KDM2A: variants seen among roughly 807,000 people sequenced by gnomAD.
KDM2A encodes the protein lysine demethylase 2A, also known as lysine-specific demethylase 2A.
Under a neutral mutation model 137.3 loss-of-function variants are expected in KDM2A, and 3 were observed. The ratio of observed to expected loss-of-function variants is 0.02; its 90% CI spans 0.01 to 0.06. The LOEUF (loss-of-function observed/expected upper bound fraction) is 0.06, where lower values mean the gene tolerates loss of function less well. Ranked by LOEUF, KDM2A falls within the 10% of genes least tolerant of loss-of-function variation. KDM2A has a pLI of 1.00. For synonymous variants in KDM2A, 512 were observed against 541.5 expected (o/e 0.95, Z 0.76); for missense variants, 738 against 1,510.6 (o/e 0.49, Z 8.48).
In KDM2A at chr11:67,245,955, C is replaced by T. The variant is rs752563773; in HGVS notation, c.1834-30C>T. 5.0e-6 allele frequency: 8 copies of T among 1,612,392 alleles called. No homozygotes were observed. Among genetic ancestry groups the T allele is most frequent in the Non-Finnish European group, 6.8e-6 (8 of 1,178,806 alleles). On this transcript the variant is annotated intron_variant, in intron 14 of 20. Transcript: ENST00000529006. This position sits in a 1 kb window ranked among gnomAD's most constrained non-coding sequence, Gnocchi z 4.1. ...GAAATGATAAAGATCTGAGTCAGTT[C>T]TCTTGGATTCTATCTTTGTCCTCTT... is the stretch of plus-strand genomic sequence containing the variant.
intron 1 of KDM2A, 63 bp from the exon 2 acceptor site, chr11:67,121,171 C>T (rs1371975343): frequency 7.5e-6 from 5 of 662,396 alleles, no homozygotes; most frequent in Non-Finnish European, 1.3e-5. Flanking sequence ...TACTCCTTTC[C>T]GTGAACAGAA....
At chr11:67,125,418 C>T (rs1426749463) in intron 2 of KDM2A, among the ~76,000 whole-genome samples, 3 of 151,558 alleles carry the variant, frequency 2.0e-5, no homozygotes, top group African/African-American at 4.9e-5. Flanking sequence ...TGGGCTCAAA[C>T]GATCTGCCCG....
chr11:67,124,302 C>G (rs746676918), intron 2 of KDM2A, among the ~76,000 whole-genome samples: 1 of 151,332 alleles, frequency 6.6e-6, no homozygotes, highest in Non-Finnish European at 1.5e-5. Context: ...CCGTGCCCGG[C>G]TTCACTTTAT....
At chr11:67,145,833 T>C (rs1183806316) in intron 2 of KDM2A, among the ~76,000 whole-genome samples, 1 of 152,016 alleles carries the variant, frequency 6.6e-6, no homozygotes, top group East Asian at 1.9e-4. Context: ...TCTCTAACTC[T>C]GCCTTTCAGG....
At chr11:67,123,123 C>T (rs1855636654) in intron 2 of KDM2A, among the ~76,000 whole-genome samples, 1 of 151,932 alleles carries the variant, frequency 6.6e-6, no homozygotes, top group Non-Finnish European at 1.5e-5. Flanking sequence ...GCGTGTGCCA[C>T]CATGCCAGGG....
intron 11 of KDM2A, among the ~76,000 whole-genome samples, chr11:67,228,686 GAAAAAAA>G (rs139339570): frequency 9.5e-6 from 1 of 105,012 alleles, no homozygotes; most frequent in Non-Finnish European, 2.1e-5. Context: ...ACCCTGTTGC[GAAAAAAA>G]AAAAAAAAAA....
Position 67,255,065 on chromosome 11 carries a change from A to G in KDM2A, c.*10A>G, listed in dbSNP as rs755822671. The G allele has an allele frequency of 6.9e-6, 11 of 1,603,906 alleles. No individual in the cohort carries two copies. In the East Asian group the frequency reaches 2.5e-4, roughly 36 times the overall value. On this transcript the variant is annotated 3_prime_UTR_variant, in exon 21 of 21. Coordinates refer to ENST00000529006, the MANE Select transcript of KDM2A (RefSeq NM_012308.3). ...ACAGAAGATCAGCTAAGACACACCC[A>G]GCCCAGATTCAACAGGAAACCGATC...
intron 2 of KDM2A, among the ~76,000 whole-genome samples, chr11:67,155,937 T>TAAAA (rs770113717): frequency 0.54 from 56,155 of 103,714 alleles, 17,892 homozygotes; most frequent in Non-Finnish European, 0.71. Flanking sequence ...TTTAAACGGC[T>TAAAA]AAAAAAAAAA....
intron 2 of KDM2A, among the ~76,000 whole-genome samples, chr11:67,132,665 C>G (rs1855880562): frequency 2.0e-5 from 3 of 152,242 alleles, no homozygotes; most frequent in Admixed American, 2.0e-4. Flanking sequence ...TCGGGGTGGT[C>G]TAGAAAGAAA....
intron 6 of KDM2A, among the ~76,000 whole-genome samples, chr11:67,208,332 C>T (rs1857876153): frequency 6.6e-6 from 1 of 151,852 alleles, no homozygotes; most frequent in South Asian, 2.1e-4. Flanking sequence ...CTTGGCCTCC[C>T]AAAGTGCTGG....
rs1000140360 is a variant in KDM2A, at chr11:67,254,541, C to T, written c.3307+123C>T. ...TGACCCACATCAGCTCATTTCTTCACATCTGGACAAGGACATGGATTTCTA... is the reference window on the plus strand; with the variant it reads ...TGACCCACATCAGCTCATTTCTTCATATCTGGACAAGGACATGGATTTCTA... On this transcript the variant is annotated intron_variant, in intron 20 of 20. Transcript: ENST00000529006. The surrounding 1 kb of genome is among the most constrained non-coding windows in gnomAD (Gnocchi z 4.7). 6.0e-6 allele frequency: 5 copies of T among 830,864 alleles called. No individual in the cohort carries two copies. The African/African-American group carries it at 8.4e-5, about 14-fold the overall frequency. The allele number at this position is 830,864 out of a possible 1,614,324, so 51.5% of individuals were successfully genotyped here.
Position 67,250,912 on chromosome 11 carries a change from G to C in KDM2A, c.2768+114G>C. 1.3e-6 allele frequency: 1 copy of C among 797,400 alleles called. No individual in the cohort carries two copies. The allele number at this position is 797,400 out of a possible 1,614,324, so 49.4% of individuals were successfully genotyped here. ...GAAAGCCTGTGGGGTCTTATGAGGA[G>C]TGAATTGACCCTTTTTCCCAAACTT... On this transcript the variant is annotated intron_variant, in intron 17 of 20. Coordinates refer to ENST00000529006, the MANE Select transcript of KDM2A (RefSeq NM_012308.3). The surrounding 1 kb of genome is among the most constrained non-coding windows in gnomAD (Gnocchi z 7.1).
In KDM2A at chr11:67,250,436, G is replaced by A. The variant is rs1038272338; in HGVS notation, c.2406G>A (p.Thr802=). The A allele has an allele frequency of 6.2e-7, 1 of 1,614,022 alleles. No homozygotes were observed. The highest frequency in any genetic ancestry group is 8.5e-7 in the Non-Finnish European group (1 of 1,179,894). ...AKIRGSYLTV[T]LQRPTKELHG... is the part of the protein sequence containing the mutation. ...TCCGGGGATCGTACCTCACTGTCACGCTACAGAGGCCCACCAAAGAGCTCC... is the reference window on the plus strand; with the variant it reads ...TCCGGGGATCGTACCTCACTGTCACACTACAGAGGCCCACCAAAGAGCTCC... Residue 802 remains threonine (T), a synonymous_variant, in exon 17 of 21, where the codon ACG becomes ACA. Transcript: ENST00000529006. The surrounding 1 kb of genome is among the most constrained non-coding windows in gnomAD (Gnocchi z 7.1).
chr11:67,245,102 A>G lies in KDM2A; in HGVS notation c.1564-87A>G, dbSNP rs1859165253. ...ATCTGGCCATAGTGGGCCAAGCCCC[A>G]GGCTAGGTATGCTACCATGTAATCT... On this transcript the variant is annotated intron_variant, in intron 13 of 20. Coordinates refer to ENST00000529006, the MANE Select transcript of KDM2A (RefSeq NM_012308.3). This position sits in a 1 kb window ranked among gnomAD's most constrained non-coding sequence, Gnocchi z 4.1. 2 of 1,475,814 alleles carry G rather than the reference A, an allele frequency of 1.4e-6. No homozygotes were observed. The highest frequency in any genetic ancestry group is 1.4e-5 in the African/African-American group (1 of 71,918). The allele number at this position is 1,475,814 out of a possible 1,614,324, so 91.4% of individuals were successfully genotyped here.
chr11:67,215,472 T>G (rs1858131917), intron 7 of KDM2A, 26 bp downstream of exon 7: 1 of 1,481,468 alleles, frequency 6.8e-7, no homozygotes, highest in East Asian at 2.3e-5. Flanking sequence ...TGCATCTTCC[T>G]CCGTGTGCTG....
intron 5 of KDM2A, among the ~76,000 whole-genome samples, chr11:67,204,793 T>TA (rs1227945662): frequency 6.6e-6 from 1 of 152,186 alleles, no homozygotes; most frequent in African/African-American, 2.4e-5. Flanking sequence ...ACCCAGCTGA[T>TA]ACAGTGTGTT....
Position 67,250,577 on chromosome 11 carries a change from T to G in KDM2A, c.2547T>G (p.Asp849Glu), listed in dbSNP as rs768207500. ...HCPARTPQRG[D>E]EEGLGGEEEE... Reference sequence around the variant, plus strand: ...CAGCCCGAACCCCCCAGCGTGGGGATGAGGAGGGGCTGGGGGGAGAGGAGG... The same window carrying G: ...CAGCCCGAACCCCCCAGCGTGGGGAGGAGGAGGGGCTGGGGGGAGAGGAGG... The change falls in exon 17 of 21, where the codon GAT becomes GAG. Residue 849 changes from aspartate to glutamate, a missense_variant. By Grantham distance (45) the Asp-to-Glu change is conservative. Coordinates refer to ENST00000529006, the MANE Select transcript of KDM2A (RefSeq NM_012308.3). The surrounding 1 kb of genome is among the most constrained non-coding windows in gnomAD (Gnocchi z 7.1). 1 of 1,612,100 alleles carries G rather than the reference T, an allele frequency of 6.2e-7. No individual in the cohort carries two copies. Among genetic ancestry groups the G allele is most frequent in the Non-Finnish European group, 8.5e-7 (1 of 1,179,158 alleles).
At chr11:67,228,867 C>T in intron 11 of KDM2A, among the ~76,000 whole-genome samples, 1 of 152,004 alleles carries the variant, frequency 6.6e-6, no homozygotes, top group Non-Finnish European at 1.5e-5. Context: ...ACTAGGATTA[C>T]AAGCACACAC....
chr11:67,123,553 C>T (rs1030166703), intron 2 of KDM2A, among the ~76,000 whole-genome samples: 6 of 152,008 alleles, frequency 3.9e-5, no homozygotes, highest in African/African-American at 1.2e-4. Flanking sequence ...CCATAAAACT[C>T]CTTTCCCAGG....
Sources: gnomAD v4.1 joint callset for allele counts (sites outside exome capture counted in the v4.1 genomes callset) on GRCh38, gnomAD v4.1.1 for gene constraint, Gnocchi (gnomAD v3.1) non-coding constraint, MANE v1.5 for transcripts, NCBI Gene and HGNC (gene_info 2026-07-23, HGNC 2026-07-21) for gene names.